The following EIF4E2 variants were observed in gnomAD, a reference collection of about 807,000 sequenced individuals.
EIF4E2 encodes eukaryotic translation initiation factor 4E type 2.
A neutral mutation model predicts 34.2 loss-of-function variants in EIF4E2; 13 were observed. That is an observed-to-expected ratio of 0.38 (90% CI 0.25 to 0.60). The LOEUF (loss-of-function observed/expected upper bound fraction) is 0.60. EIF4E2 is among the 20% of genes least tolerant of loss of function. The pLI is 0.62. For missense variants in EIF4E2, 222 were observed against 315.1 expected (o/e 0.70, Z 2.24); for synonymous variants, 100 against 106.6 (o/e 0.94, Z 0.38).
At chr2:232,582,718 T>TG (rs1392074381) in exon 7 of EIF4E2, 10 of 152,320 alleles carry the variant, frequency 6.6e-5, no homozygotes, top group Middle Eastern at 3.4e-3. Context: ...GTTGTGTGTG[T>TG]GGGAAAGTCA....
chr2:232,563,841 G>T (rs752550999), intron 3 of EIF4E2, among the ~76,000 whole-genome samples: 12 of 152,140 alleles, frequency 7.9e-5, no homozygotes, highest in Non-Finnish European at 1.5e-4. Flanking sequence ...ATGCATTCAG[G>T]CTGAGGCTGT....
In EIF4E2 at chr2:232,556,549, G is replaced by GA; in HGVS notation, c.135+20dup. The GA allele has an allele frequency of 6.5e-7, 1 of 1,543,392 alleles. No individual in the cohort carries two copies. Among genetic ancestry groups the GA allele is most frequent in the African/African-American group, 1.5e-5 (1 of 67,586 alleles). On this transcript the variant is annotated intron_variant, in intron 2 of 6. Transcript: ENST00000258416. ...GAGAAAGGTGAGTGTTGGCTGCACA[G>GA]ATGTAGTTGCCTTTGAACTTGAGAC...
At chr2:232,560,582 C>A (rs2106241454) in intron 3 of EIF4E2, among the ~76,000 whole-genome samples, 1 of 152,280 alleles carries the variant, frequency 6.6e-6, no homozygotes, top group Middle Eastern at 3.4e-3. Context: ...TTGAGACCAG[C>A]CTGGGCAACA....
At chr2:232,574,136 G>C, downstream of EIF4E2, 1 of 959,398 alleles carries the variant, frequency 1.0e-6, no homozygotes. Flanking sequence ...TCTGCTCCCA[G>C]GTACCTGTGG....
intron 6 of EIF4E2, among the ~76,000 whole-genome samples, chr2:232,578,520 A>T (rs1302559989): frequency 1.3e-5 from 2 of 152,022 alleles, no homozygotes; most frequent in Non-Finnish European, 2.9e-5. Context: ...AGTTCCAGCT[A>T]CTTGGGAGGC....
intron 1 of EIF4E2, chr2:232,551,194 C>T (rs573099907): frequency 1.2e-5 from 6 of 487,954 alleles, no homozygotes; most frequent in East Asian, 1.3e-4. Context: ...CACCCTTTGT[C>T]GTAGAGTTTG....
intron 3 of EIF4E2, among the ~76,000 whole-genome samples, chr2:232,560,515 C>T (rs909518134): frequency 6.6e-6 from 1 of 152,204 alleles, no homozygotes; most frequent in Non-Finnish European, 1.5e-5. Context: ...GTGGCTCACG[C>T]CTGTAATCCT....
downstream of EIF4E2, among the ~76,000 whole-genome samples, chr2:232,572,768 G>A (rs1369699204): frequency 6.6e-6 from 1 of 152,190 alleles, no homozygotes; most frequent in Non-Finnish European, 1.5e-5. Context: ...GGAGTAGGAG[G>A]GAGCTGTGAA....
intron 4 of EIF4E2, among the ~76,000 whole-genome samples, chr2:232,565,124 C>G (rs961900334): frequency 1.3e-5 from 2 of 152,252 alleles, no homozygotes; most frequent in Admixed American, 1.3e-4. Context: ...TTCGAGAAGA[C>G]AAATGTGGTC....
chr2:232,574,043 G>A (rs1196295848), downstream of EIF4E2: 1 of 702,134 alleles, frequency 1.4e-6, no homozygotes, highest in South Asian at 1.5e-5. Context: ...CTTCTCAAGT[G>A]AAGCAAGCAG....
chr2:232,569,355 T>C, downstream of EIF4E2: 1 of 784,436 alleles, frequency 1.3e-6, no homozygotes, highest in East Asian at 5.7e-5. Context: ...CATTGTGTAG[T>C]GTCATGTGGT....
At chr2:232,575,822 C>T (rs1693197924) in intron 6 of EIF4E2, among the ~76,000 whole-genome samples, 1 of 152,148 alleles carries the variant, frequency 6.6e-6, no homozygotes, top group Non-Finnish European at 1.5e-5. Context: ...TTTTAAAATA[C>T]TACCATATTT....
At chr2:232,570,009 A>G (rs2106251616), downstream of EIF4E2, among the ~76,000 whole-genome samples, 1 of 152,272 alleles carries the variant, frequency 6.6e-6, no homozygotes, top group East Asian at 1.9e-4. Flanking sequence ...ATGCTACTTT[A>G]GGTTTTCTTA....
chr2:232,571,865 A>C (rs1693099951), downstream of EIF4E2, among the ~76,000 whole-genome samples: 1 of 152,226 alleles, frequency 6.6e-6, no homozygotes, highest in Non-Finnish European at 1.5e-5. Flanking sequence ...GGCAAAGCGA[A>C]GAGAGCCCAG....
At chr2:232,568,688 G>A in intron 6 of EIF4E2, 2 of 985,324 alleles carry the variant, frequency 2.0e-6, no homozygotes, top group Non-Finnish European at 2.4e-6. Context: ...ATACCATAAG[G>A]CAGTTCTTCG....
chr2:232,567,422 A>G (rs928623221), intron 6 of EIF4E2: 54 of 1,372,038 alleles, frequency 3.9e-5, no homozygotes, highest in Non-Finnish European at 4.9e-5. Context: ...TTTGTAGCAG[A>G]GAGAGCCCAT....
At chr2:232,551,219 G>A (rs746282249) in intron 1 of EIF4E2, 7 of 478,500 alleles carry the variant, frequency 1.5e-5, no homozygotes, top group Admixed American at 2.3e-5. Context: ...ATGCAATGAG[G>A]TAATGTGGTT....
At chr2:232,564,534 T>C (rs1574667822) in intron 4 of EIF4E2, among the ~76,000 whole-genome samples, 183 bp downstream of exon 4, 2 of 152,260 alleles carry the variant, frequency 1.3e-5, no homozygotes. Flanking sequence ...CACTGCAAGC[T>C]CCGCCTCCCA....
downstream of EIF4E2, among the ~76,000 whole-genome samples, chr2:232,572,178 T>G (rs1267028040): frequency 1.3e-5 from 2 of 152,210 alleles, no homozygotes; most frequent in Non-Finnish European, 2.9e-5. Flanking sequence ...AAGGAAGTTT[T>G]AATATTACCC....
Sources: gnomAD v4.1 joint callset for allele counts (sites outside exome capture counted in the v4.1 genomes callset) on GRCh38, gnomAD v4.1.1 for gene constraint, MANE v1.5 for transcripts, NCBI Gene and HGNC (gene_info 2026-07-23, HGNC 2026-07-21) for gene names.